GATAD2B: variants seen among roughly 807,000 people sequenced by gnomAD.
GATAD2B encodes the protein transcriptional repressor p66-beta.
GATAD2B carries 8 observed loss-of-function variants against 64.3 expected under a neutral mutation model. The observed-to-expected ratio is 0.12, with a 90% CI of 0.07 to 0.22. The LOEUF (loss-of-function observed/expected upper bound fraction) is 0.22, where lower values mean the gene tolerates loss of function less well. GATAD2B is among the 10% of genes least tolerant of loss of function. GATAD2B has a pLI of 1.00. For synonymous variants in GATAD2B, 281 were observed against 271.3 expected, an observed-to-expected ratio of 1.04 and a Z score of -0.35; for missense variants, 453 against 752.0, an observed-to-expected ratio of 0.60 and a Z score of 4.65.
intron 1 of GATAD2B, among the ~76,000 whole-genome samples, chr1:153,856,085 C>A (rs1488410463): frequency 2.0e-5 from 3 of 152,206 alleles, no homozygotes; most frequent in Admixed American, 2.0e-4. Flanking sequence ...CTTTCCTCAT[C>A]TTCAAGTATC....
At chr1:153,901,931 C>CA (rs1295145297) in intron 1 of GATAD2B, among the ~76,000 whole-genome samples, 2 of 133,650 alleles carry the variant, frequency 1.5e-5, no homozygotes, top group Non-Finnish European at 3.1e-5. Context: ...GGCCTTGGGG[C>CA]AACAGGGATA....
At chr1:153,845,743 G>C (rs891751052) in intron 1 of GATAD2B, among the ~76,000 whole-genome samples, 1 of 151,944 alleles carries the variant, frequency 6.6e-6, no homozygotes, top group African/African-American at 2.4e-5. Flanking sequence ...GGGTGACAGA[G>C]CAAGACTCTA....
intron 1 of GATAD2B, among the ~76,000 whole-genome samples, chr1:153,834,514 G>A (rs1010822025): frequency 2.7e-4 from 41 of 151,880 alleles, no homozygotes; most frequent in African/African-American, 8.9e-4. Flanking sequence ...TCAGTCTCCC[G>A]AGTAGCTGGG....
At chr1:153,898,546 T>G (rs1190649859) in intron 1 of GATAD2B, among the ~76,000 whole-genome samples, 1 of 151,254 alleles carries the variant, frequency 6.6e-6, no homozygotes, top group Non-Finnish European at 1.5e-5. Context: ...GCCAATACAG[T>G]GAAACCCCAT....
chr1:153,833,522 G>GT (rs1675148952), intron 1 of GATAD2B, among the ~76,000 whole-genome samples: 1 of 152,140 alleles, frequency 6.6e-6, no homozygotes, highest in Non-Finnish European at 1.5e-5. Context: ...GTCTTACTAT[G>GT]TAAGAAATAT....
chr1:153,895,435 C>T (rs1475729209), intron 1 of GATAD2B, among the ~76,000 whole-genome samples: 1 of 151,138 alleles, frequency 6.6e-6, no homozygotes, highest in South Asian at 2.1e-4. Flanking sequence ...ACAGAACCAA[C>T]CAGTCGTGGT....
intron 1 of GATAD2B, among the ~76,000 whole-genome samples, chr1:153,863,365 G>A (rs1017382059): frequency 2.0e-5 from 3 of 151,866 alleles, no homozygotes; most frequent in Non-Finnish European, 2.9e-5. Flanking sequence ...GCGTGGTGGT[G>A]CATGCCTGTA....
chr1:153,878,953 TTTC>T (rs1676922740), intron 1 of GATAD2B, among the ~76,000 whole-genome samples: 1 of 151,654 alleles, frequency 6.6e-6, no homozygotes, highest in Non-Finnish European at 1.5e-5. Context: ...AATTTTTTTT[TTTC>T]TTGAGACAGT....
At chr1:153,911,321 CAA>C (rs1678101953) in intron 1 of GATAD2B, among the ~76,000 whole-genome samples, 1 of 152,020 alleles carries the variant, frequency 6.6e-6, no homozygotes, top group South Asian at 2.1e-4. Context: ...CACATACACA[CAA>C]ATCAACAAAG....
chr1:153,870,678 T>C (rs1366866178), intron 1 of GATAD2B, among the ~76,000 whole-genome samples: 1 of 152,230 alleles, frequency 6.6e-6, no homozygotes, highest in Non-Finnish European at 1.5e-5. Context: ...AATGTTGTTA[T>C]AAAATGACCT....
At chr1:153,884,802 G>A (rs533024935) in intron 1 of GATAD2B, among the ~76,000 whole-genome samples, 2 of 151,114 alleles carry the variant, frequency 1.3e-5, no homozygotes, top group East Asian at 3.9e-4. Flanking sequence ...CCGTTGCCCA[G>A]CTGGAGTGCA....
chr1:153,818,144 T>A lies in GATAD2B; in HGVS notation c.625A>T (p.Ile209Phe), dbSNP rs563781893. The part of the protein sequence containing the change: ...KTPVVQNAAS[I>F]VQPSPAHVGQ... ...ACATGGGCAGGAGATGGCTGAACAA[T>A]AGATGCTGCATTCTGTACAACTGGA... The change falls in exon 5 of 11, where the codon ATT (isoleucine) becomes TTT (phenylalanine). Residue 209 changes from isoleucine (I) to phenylalanine (F), a missense_variant. Around this residue, in one of 2 missense-constraint regions of GATAD2B, gnomAD observed 293 missense variants for 417.2 expected, o/e 0.70. Transcript: ENST00000368655. 1 of 1,612,352 alleles carries A rather than the reference T, an allele frequency of 6.2e-7. No homozygotes were observed. Among genetic ancestry groups the A allele is most frequent in the African/African-American group, 1.3e-5 (1 of 74,836 alleles).
chr1:153,862,472 G>A (rs1676340079), intron 1 of GATAD2B, among the ~76,000 whole-genome samples: 1 of 151,962 alleles, frequency 6.6e-6, no homozygotes, highest in Admixed American at 6.6e-5. Flanking sequence ...CTATAAAGAT[G>A]AGCAAAGCAG....
chr1:153,876,227 CAAAAAAAAAAAAAAAAAAAAA>C (rs71093296), intron 1 of GATAD2B, among the ~76,000 whole-genome samples: 1 of 48,406 alleles, frequency 2.1e-5, no homozygotes, highest in East Asian at 8.3e-4. Context: ...GACTTCGTCT[CAAAAAAAAAAAAAAAAAAAAA>C]AAAAAAAAAA....
chr1:153,897,704 T>C (rs1375436669), intron 1 of GATAD2B, among the ~76,000 whole-genome samples: 1 of 152,188 alleles, frequency 6.6e-6, no homozygotes, highest in Non-Finnish European at 1.5e-5. Flanking sequence ...ATCAACTATA[T>C]TGTAATGGAT....
At chr1:153,908,968 A>G (rs542596671) in intron 1 of GATAD2B, among the ~76,000 whole-genome samples, 1 of 151,646 alleles carries the variant, frequency 6.6e-6, no homozygotes, top group South Asian at 2.1e-4. Flanking sequence ...TAGGAGGCCG[A>G]GGTAGGAGGA....
At chr1:153,863,749 G>A (rs148922528) in intron 1 of GATAD2B, among the ~76,000 whole-genome samples, 23 of 151,796 alleles carry the variant, frequency 1.5e-4, no homozygotes, top group African/African-American at 5.1e-4. Flanking sequence ...TCAGCCTCCT[G>A]AGTAGCTGGG....
intron 1 of GATAD2B, among the ~76,000 whole-genome samples, chr1:153,915,755 A>G (rs981497835): frequency 3.3e-5 from 5 of 151,380 alleles, no homozygotes; most frequent in South Asian, 2.1e-4. Flanking sequence ...AAAAAAAAAA[A>G]AAAAAAGAAA....
In GATAD2B at chr1:153,816,549, A is replaced by G; in HGVS notation, c.940T>C (p.Ser314Pro). ...SSVPCQRTTSSAIYMNLASHI... is the reference protein window; with the variant it reads ...SSVPCQRTTSPAIYMNLASHI... ...GAAGCAAGGTTCATATAGATGGCAG[A>G]GGATGTTGTACGCTGACATGGAACA... The change falls in exon 7 of 11, where the codon TCT becomes CCT. Residue 314 changes from serine (S) to proline (P), a missense_variant. Coordinates refer to ENST00000368655, the MANE Select transcript of GATAD2B (RefSeq NM_020699.4). The surrounding 1 kb of genome is among the most constrained non-coding windows in gnomAD (Gnocchi z 4.9). The G allele has an allele frequency of 6.2e-7, 1 of 1,613,702 alleles. No individual in the cohort carries two copies. The highest frequency in any genetic ancestry group is 8.5e-7 in the Non-Finnish European group (1 of 1,179,582).
Sources: allele counts gnomAD v4.1 joint callset (sites outside exome capture counted in the v4.1 genomes callset), GRCh38; gene constraint gnomAD v4.1.1; regional missense constraint gnomAD v4.1.1; non-coding constraint Gnocchi (gnomAD v3.1); transcripts MANE v1.5; gene names NCBI Gene and HGNC (gene_info 2026-07-23, HGNC 2026-07-21).